Variants in PPFIA2 observed in about 807,000 individuals in gnomAD.
PPFIA2 encodes the protein PPFI scaffold protein A2, also known as liprin-alpha-2.
A neutral mutation model predicts 175.5 loss-of-function variants in PPFIA2; 46 were observed. The observed-to-expected ratio is 0.26, with a 90% confidence interval of 0.21 to 0.34. The LOEUF (loss-of-function observed/expected upper bound fraction) is 0.34. Ranked by LOEUF, PPFIA2 falls within the 10% of genes least tolerant of loss-of-function variation. PPFIA2 has a pLI of 1.00. For synonymous variants in PPFIA2, 568 were observed against 511.4 expected, an observed-to-expected ratio of 1.11 and a Z score of -1.49; for missense variants, 1,179 against 1,506.1, an observed-to-expected ratio of 0.78 and a Z score of 3.60.
chr12:81,555,222 C>T (rs763488333), intron 4 of PPFIA2, among the ~76,000 whole-genome samples: 1 of 151,864 alleles, frequency 6.6e-6, no homozygotes, highest in Non-Finnish European at 1.5e-5. Flanking sequence ...TATTTGACAA[C>T]CTTTTTAATA....
intron 28 of PPFIA2, among the ~76,000 whole-genome samples, chr12:81,272,472 G>A (rs1456572661): frequency 6.6e-6 from 1 of 152,044 alleles, no homozygotes; most frequent in Non-Finnish European, 1.5e-5. Context: ...CACCTATTGT[G>A]TTCTCAATTT....
chr12:81,477,110 T>C (rs1247305969), intron 4 of PPFIA2, among the ~76,000 whole-genome samples: 1 of 151,930 alleles, frequency 6.6e-6, no homozygotes. Flanking sequence ...TATGCTGTGC[T>C]TAATACTTAG....
At chr12:81,598,132 G>A (rs1265033650) in intron 4 of PPFIA2, 4 of 1,495,972 alleles carry the variant, frequency 2.7e-6, no homozygotes, top group Non-Finnish European at 2.7e-6. Context: ...GGAGACTAGA[G>A]GGTAAAATGA....
intron 6 of PPFIA2, among the ~76,000 whole-genome samples, chr12:81,441,602 G>A (rs1411897859): frequency 1.3e-5 from 2 of 152,026 alleles, no homozygotes; most frequent in Non-Finnish European, 2.9e-5. Flanking sequence ...GGAAATCTTC[G>A]ATGATTTGAT....
intron 4 of PPFIA2, among the ~76,000 whole-genome samples, chr12:81,676,173 T>C (rs2072473166): frequency 6.6e-6 from 1 of 152,078 alleles, no homozygotes; most frequent in Admixed American, 6.6e-5. Context: ...ATCTGTCTTA[T>C]TACTTTAGAT....
chr12:81,674,386 T>G (rs2072035142), intron 4 of PPFIA2, among the ~76,000 whole-genome samples: 1 of 152,076 alleles, frequency 6.6e-6, no homozygotes, highest in South Asian at 2.1e-4. Context: ...TGATGATCTA[T>G]TAAAATGACA....
chr12:81,563,276 CTTCAAACATT>C (rs1460550625), intron 4 of PPFIA2, among the ~76,000 whole-genome samples: 1 of 152,170 alleles, frequency 6.6e-6, no homozygotes. Context: ...TGAGCCTGAA[CTTCAAACATT>C]ATACACTATT....
At chr12:81,318,685 T>C (rs184286037) in intron 22 of PPFIA2, among the ~76,000 whole-genome samples, 1 of 151,894 alleles carries the variant, frequency 6.6e-6, no homozygotes, top group East Asian at 1.9e-4. Flanking sequence ...TCAATTCATT[T>C]GTGAAGCCCC....
chr12:81,729,168 TA>T (rs2080499535), intron 3 of PPFIA2, among the ~76,000 whole-genome samples: 1 of 151,510 alleles, frequency 6.6e-6, no homozygotes, highest in African/African-American at 2.4e-5. Context: ...TCTGTTTTTT[TA>T]TAGGGTCCAA....
intron 4 of PPFIA2, among the ~76,000 whole-genome samples, chr12:81,577,641 G>C (rs948554871): frequency 6.6e-6 from 1 of 151,848 alleles, no homozygotes; most frequent in African/African-American, 2.4e-5. Context: ...GAGTATTTAT[G>C]ACAATAAAGT....
At chr12:81,597,959 G>T in intron 4 of PPFIA2, 1 of 1,534,982 alleles carries the variant, frequency 6.5e-7, no homozygotes. Flanking sequence ...TACTTGAAAA[G>T]TGTAAAACCG....
chr12:81,755,888 C>G (rs1297195717), intron 2 of PPFIA2, among the ~76,000 whole-genome samples: 2 of 152,114 alleles, frequency 1.3e-5, no homozygotes, highest in African/African-American at 4.8e-5. Flanking sequence ...ACACTTGATA[C>G]TACTGTTACA....
rs372775522 is a variant in PPFIA2, at chr12:81,504,159, C to G, written c.304-46293G>C. Among the ~76,000 whole-genome samples the G allele has an allele frequency of 6.6e-5, 10 of 151,986 alleles. No individual in the cohort carries two copies. In the East Asian group the frequency reaches 1.9e-3, roughly 29 times the overall value. ...TCTTAATCAATGCAAAATTCTCTTC[C>G]TCATAAATTCTTGAAGCTCAGAGAT... is the stretch of plus-strand genomic sequence containing the variant. On this transcript the variant is annotated intron_variant, in intron 4 of 32. Coordinates refer to ENST00000549396, the MANE Select transcript of PPFIA2 (RefSeq NM_003625.5).
chr12:81,349,449 C>A (rs1011241723), intron 17 of PPFIA2, among the ~76,000 whole-genome samples: 2 of 152,086 alleles, frequency 1.3e-5, no homozygotes, highest in East Asian at 1.9e-4. Context: ...TTCATGAATG[C>A]ATTTTTTAAC....
chr12:81,558,058 GTTATTC>G (rs2069204295), intron 4 of PPFIA2, among the ~76,000 whole-genome samples: 1 of 151,920 alleles, frequency 6.6e-6, no homozygotes, highest in East Asian at 1.9e-4. Context: ...CATTATTCTT[GTTATTC>G]TTAAGATACT....
chr12:81,477,510 G>T (rs1228028239), intron 4 of PPFIA2, among the ~76,000 whole-genome samples: 1 of 152,154 alleles, frequency 6.6e-6, no homozygotes, highest in Non-Finnish European at 1.5e-5. Flanking sequence ...TCCAGCTTTT[G>T]CCCATTCTGT....
At chr12:81,375,733 T>A (rs1471667528) in intron 10 of PPFIA2, 63 bp downstream of exon 10, 1 of 1,488,070 alleles carries the variant, frequency 6.7e-7, no homozygotes, top group Non-Finnish European at 9.3e-7. Flanking sequence ...TTTTATTTAC[T>A]CCGTTTTGTG....
At chr12:81,262,658 T>G (rs1215891194) in intron 31 of PPFIA2, among the ~76,000 whole-genome samples, 1 of 152,206 alleles carries the variant, frequency 6.6e-6, no homozygotes, top group African/African-American at 2.4e-5. Context: ...CTTTTGTAAA[T>G]TAGATAGCTT....
intron 3 of PPFIA2, among the ~76,000 whole-genome samples, chr12:81,735,555 C>T (rs2081468716): frequency 6.6e-6 from 1 of 151,604 alleles, no homozygotes; most frequent in African/African-American, 2.4e-5. Context: ...TTTTCATTTT[C>T]TTACTATTTT....
Sources: gnomAD v4.1 joint callset for allele counts (sites outside exome capture counted in the v4.1 genomes callset) on GRCh38, gnomAD v4.1.1 for gene constraint, MANE v1.5 for transcripts, NCBI Gene and HGNC (gene_info 2026-07-23, HGNC 2026-07-21) for gene names.